The following NLRP3 variants were observed in gnomAD, a reference collection of about 807,000 sequenced individuals.
The protein encoded by NLRP3 is NACHT, LRR and PYD domains-containing protein 3.
Under a neutral mutation model 91.3 loss-of-function variants are expected in NLRP3, and 48 were observed. The observed-to-expected ratio is 0.53, with a 90% CI of 0.42 to 0.67. NLRP3 has a LOEUF of 0.67. Among genes scored for constraint, NLRP3 ranks in the 30% least tolerant of loss-of-function variants. NLRP3 has a pLI of 0.00. For synonymous variants in NLRP3, 561 were observed against 507.9 expected (o/e 1.10, Z -1.41); for missense variants, 982 against 1,276.9 (o/e 0.77, Z 3.52).
At chr1:247,438,378 G>GTTTTTTTTTTT (rs74163772) in intron 7 of NLRP3, among the ~76,000 whole-genome samples, 3 of 71,920 alleles carry the variant, frequency 4.2e-5, no homozygotes, top group Non-Finnish European at 7.8e-5. Flanking sequence ...GTTTAGTTGT[G>GTTTTTTTTTTT]TTTTTTTTTT....
intron 4 of NLRP3, among the ~76,000 whole-genome samples, chr1:247,426,909 A>C (rs1281863781): frequency 6.6e-6 from 1 of 152,132 alleles, no homozygotes; most frequent in Non-Finnish European, 1.5e-5. Context: ...GTTGAGAGAG[A>C]GGGCAGGTGT....
chr1:247,441,657 T>C (rs1453059938), intron 7 of NLRP3, among the ~76,000 whole-genome samples: 1 of 106,318 alleles, frequency 9.4e-6, no homozygotes, highest in Non-Finnish European at 2.0e-5. Context: ...GTTAGGTGGA[T>C]TGGTTGAAAT....
intron 6 of NLRP3, 83 bp downstream of exon 6, chr1:247,434,356 G>A: frequency 7.3e-7 from 1 of 1,364,834 alleles, no homozygotes; most frequent in Non-Finnish European, 1.0e-6. Flanking sequence ...CGGTGGGCTG[G>A]GGTTTGAGTG....
In NLRP3 at chr1:247,437,882, C is replaced by T. The variant is rs568492697; in HGVS notation, c.2663+1742C>T. Among the ~76,000 whole-genome samples, 42 of 152,196 alleles carry T rather than the reference C, an allele frequency of 2.8e-4. 1 individual carries two copies. The highest frequency in any genetic ancestry group is 9.2e-4 in the Admixed American group (14 of 15,272). On this transcript the variant is annotated intron_variant, in intron 7 of 9. Coordinates refer to ENST00000336119, the MANE Select transcript of NLRP3 (RefSeq NM_001243133.2). ...AGCGTGGGATGGGCTGTGAAGGAGCCGGAAGAGCCCTCCAGGCAAAGCAGA... is the reference window on the plus strand; with the variant it reads ...AGCGTGGGATGGGCTGTGAAGGAGCTGGAAGAGCCCTCCAGGCAAAGCAGA...
At position 247,444,510 on chromosome 1, in the gene NLRP3, G is replaced by T. The variant is rs529965283; in HGVS notation, c.2835-141G>T. ...GAGAAGAATAATTACCAGCATACAAGGCTGCTTGAAGCTAGTTAGTCCTGT... is the reference window on the plus strand; with the variant it reads ...GAGAAGAATAATTACCAGCATACAATGCTGCTTGAAGCTAGTTAGTCCTGT... On this transcript the variant is annotated intron_variant, in intron 8 of 9. Coordinates refer to ENST00000336119, the MANE Select transcript of NLRP3 (RefSeq NM_001243133.2). 4.8e-6 allele frequency: 4 copies of T among 825,038 alleles called. No homozygotes were observed. In the East Asian group the frequency reaches 1.0e-4, roughly 21 times the overall value. The allele number at this position is 825,038 out of a possible 1,614,324, so 51.1% of individuals were successfully genotyped here.
intron 9 of NLRP3, 49 bp from the exon 10 acceptor site, chr1:247,448,356 A>G: frequency 1.1e-6 from 1 of 945,920 alleles, no homozygotes; most frequent in Middle Eastern, 2.1e-4. Flanking sequence ...AACGACTCTG[A>G]CAGAGTTATC....
At chr1:247,433,788 C>G (rs911790933) in intron 5 of NLRP3, among the ~76,000 whole-genome samples, 1 of 134,204 alleles carries the variant, frequency 7.5e-6, no homozygotes, top group African/African-American at 2.7e-5. Flanking sequence ...GATGCATTCT[C>G]TATTCCAGAG....
At chr1:247,439,688 A>G (rs534444048) in intron 7 of NLRP3, among the ~76,000 whole-genome samples, 2 of 152,316 alleles carry the variant, frequency 1.3e-5, no homozygotes, top group Non-Finnish European at 2.9e-5. Context: ...TCAATCCATA[A>G]CACCCTATCT....
intron 7 of NLRP3, among the ~76,000 whole-genome samples, chr1:247,443,540 T>C (rs1474469164): frequency 1.4e-5 from 2 of 147,472 alleles, no homozygotes; most frequent in African/African-American, 2.5e-5. Context: ...ATGAGGAGGA[T>C]TTTTTTTTCC....
intron 7 of NLRP3, among the ~76,000 whole-genome samples, chr1:247,441,652 G>A (rs184176870): frequency 7.9e-6 from 1 of 126,392 alleles, no homozygotes; most frequent in East Asian, 2.2e-4. Context: ...GCTCAGTTAG[G>A]TGGATTGGTT....
intron 5 of NLRP3, among the ~76,000 whole-genome samples, chr1:247,431,881 T>C (rs1663358042): frequency 6.6e-6 from 1 of 152,228 alleles, no homozygotes; most frequent in African/African-American, 2.4e-5. Context: ...ACAGTGGTAG[T>C]GTCTGGGCTT....
intron 8 of NLRP3, 70 bp downstream of exon 8, chr1:247,444,212 G>C: frequency 2.1e-6 from 3 of 1,453,916 alleles, no homozygotes; most frequent in Non-Finnish European, 2.9e-6. Context: ...TTTAGGCAGA[G>C]TGGCCACAAG....
At chr1:247,440,534 G>C (rs544096015) in intron 7 of NLRP3, among the ~76,000 whole-genome samples, 2 of 152,330 alleles carry the variant, frequency 1.3e-5, no homozygotes, top group South Asian at 4.1e-4. Context: ...GGCTGTCCCT[G>C]ATACTGCCCT....
At chr1:247,419,133 A>G in intron 2 of NLRP3, 56 bp downstream of exon 2, 1 of 1,433,578 alleles carries the variant, frequency 7.0e-7, no homozygotes, top group Admixed American at 1.9e-5. Context: ...ATAGTGTACA[A>G]TTTTCCATCT....
rs1229578040 is a variant in NLRP3, at chr1:247,448,528, G to GCCCT, written c.*26_*27insCTCC. 7.0e-7 allele frequency: 1 copy of GCCCT among 1,438,692 alleles called. No homozygotes were observed. Among genetic ancestry groups the GCCCT allele is most frequent in the East Asian group, 2.3e-5 (1 of 44,076 alleles). The allele number at this position is 1,438,692 out of a possible 1,614,324, so 89.1% of individuals were successfully genotyped here. ...AGGAGTGGAAACGGGGCTGCCAGAC[G>GCCCT]CCAGTGTTCTCCGGTCCCTCCAGCT... On this transcript the variant is annotated 3_prime_UTR_variant, in exon 10 of 10. Transcript: ENST00000336119.
At chr1:247,420,726 T>A (rs956690203) in intron 2 of NLRP3, among the ~76,000 whole-genome samples, 4 of 128,040 alleles carry the variant, frequency 3.1e-5, no homozygotes, top group South Asian at 5.4e-4. Context: ...CAAAAAAAAA[T>A]TTTTTTTTCT....
Position 247,429,601 on chromosome 1 carries a change from C to T in NLRP3, c.2167C>T (p.Leu723Phe). 6.2e-7 allele frequency: 1 copy of T among 1,614,198 alleles called. No homozygotes were observed. The highest frequency in any genetic ancestry group is 2.2e-5 in the East Asian group (1 of 44,880). ...AATTCCTAGATTGGTGAACAGCCAC[C>T]TCACTTCCAGTTTTTGCCGGGGCCT... is the stretch of plus-strand genomic sequence containing the variant. The part of the protein sequence containing the change: ...ACSHGLVNSH[L>F]TSSFCRGLFS... Residue 723 changes from leucine to phenylalanine, a missense_variant, in exon 5 of 10, where the codon CTC (leucine) becomes TTC (phenylalanine). By Grantham distance (22) the Leu-to-Phe change is conservative. This residue lies in a region of NLRP3 where 373 missense variants were observed against 431.5 expected (regional missense o/e 0.86). Coordinates refer to ENST00000336119, the MANE Select transcript of NLRP3 (RefSeq NM_001243133.2).
chr1:247,422,180 A>G (rs1477887887), intron 2 of NLRP3, among the ~76,000 whole-genome samples: 1 of 151,794 alleles, frequency 6.6e-6, no homozygotes, highest in Admixed American at 6.6e-5. Context: ...GGAGTTTGAG[A>G]CCAGCCTGGG....
Position 247,418,925 on chromosome 1 carries a change from G to T in NLRP3, c.125G>T (p.Gly42Val), listed in dbSNP as rs745630984. The T allele has an allele frequency of 6.2e-7, 1 of 1,614,024 alleles. No individual in the cohort carries two copies. The highest frequency in any genetic ancestry group is 8.5e-7 in the Non-Finnish European group (1 of 1,180,036). ...PQKGCIPLPRGQTEKADHVDL... is the reference protein window; with the variant it reads ...PQKGCIPLPRVQTEKADHVDL... ...AAGGGCTGCATCCCCCTCCCGAGGG[G>T]TCAGACAGAGAAGGCAGACCATGTG... is the stretch of plus-strand genomic sequence containing the variant. The change falls in exon 2 of 10, where the codon GGT becomes GTT. Residue 42 changes from glycine (G) to valine (V), a missense_variant. This residue lies in a region of NLRP3 where 548 missense variants were observed against 713.7 expected (regional missense o/e 0.77). Transcript: ENST00000336119.
Sources: gnomAD v4.1 joint callset for allele counts (sites outside exome capture counted in the v4.1 genomes callset) on GRCh38, gnomAD v4.1.1 for gene constraint, gnomAD v4.1.1 regional missense constraint, MANE v1.5 for transcripts, NCBI Gene and HGNC (gene_info 2026-07-23, HGNC 2026-07-21) for gene names.